Variants in ROBO2 observed in about 807,000 individuals in gnomAD.
ROBO2 encodes roundabout homolog 2.
ROBO2 carries 53 observed loss-of-function variants against 160.8 expected under a neutral mutation model. The observed-to-expected ratio is 0.33, with a 90% CI of 0.26 to 0.41. ROBO2 has a LOEUF of 0.41. Ranked by LOEUF, ROBO2 falls within the 10% of genes least tolerant of loss-of-function variation. The pLI, the probability that ROBO2 is intolerant of heterozygous loss-of-function variation, is 1.00. For missense variants in ROBO2, 1,577 were observed against 1,722.4 expected, an observed-to-expected ratio of 0.92 and a Z score of 1.49; for synonymous variants, 664 against 611.7, an observed-to-expected ratio of 1.09 and a Z score of -1.26.
Position 76,128,934 on chromosome 3 carries a change from A to G in ROBO2, c.109+191332A>G, listed in dbSNP as rs140008429. Among the ~76,000 whole-genome samples the G allele has an allele frequency of 1.3e-4, 20 of 152,208 alleles. No individual in the cohort carries two copies. In the East Asian group the frequency reaches 2.9e-3, roughly 22 times the overall value. The stretch of plus-strand genomic sequence containing the variant: ...TTTGCGTATAGAGCAGTAACTTGTG[A>G]ATAATCATTTTTTGTAGCTACTCGT... On this transcript the variant is annotated intron_variant, in intron 2 of 26. Coordinates refer to the ROBO2 transcript ENST00000487694.
intron 2 of ROBO2, among the ~76,000 whole-genome samples, chr3:77,211,710 C>A (rs1173070643): frequency 1.3e-5 from 2 of 152,086 alleles, no homozygotes; most frequent in Non-Finnish European, 1.5e-5. Context: ...GGTTTTAGGT[C>A]TAACATTTAA....
chr3:77,147,699 TA>T (rs1360042868), intron 2 of ROBO2, among the ~76,000 whole-genome samples: 1 of 152,218 alleles, frequency 6.6e-6, no homozygotes, highest in Non-Finnish European at 1.5e-5. Flanking sequence ...ATTATAATAT[TA>T]CTGCTTAATA....
intron 2 of ROBO2, among the ~76,000 whole-genome samples, chr3:77,213,495 G>T (rs1046746338): frequency 2.0e-5 from 3 of 152,000 alleles, no homozygotes; most frequent in African/African-American, 7.2e-5. Flanking sequence ...CCTGCTAGCG[G>T]TCTATCAATT....
intron 2 of ROBO2, among the ~76,000 whole-genome samples, chr3:77,323,058 T>TTATATTATATTATGGATAATATAATATAA (rs2064974130): frequency 8.5e-5 from 1 of 11,744 alleles, no homozygotes; most frequent in Non-Finnish European, 2.7e-4. Context: ...ATATAATATA[T>TTATATTATATTATGGATAATATAATATAA]TATATTATAT....
chr3:77,361,702 T>C (rs1433714546), intron 2 of ROBO2, among the ~76,000 whole-genome samples: 5 of 152,150 alleles, frequency 3.3e-5, no homozygotes, highest in Non-Finnish European at 7.3e-5. Context: ...GGAGCTCTTA[T>C]GACGTAAACA....
rs957083961 is a variant in ROBO2 at position 76,708,425 on chromosome 3, G to A, written c.110-389589G>A. On this transcript the variant is annotated intron_variant, in intron 2 of 26. Transcript: ENST00000487694. Reference sequence around the variant, plus strand: ...TAATAGCTGTTATTTCTGGGAAATGGAATGTTAGGATGAAGTGGAAGTTTA... The same window carrying A: ...TAATAGCTGTTATTTCTGGGAAATGAAATGTTAGGATGAAGTGGAAGTTTA... Among the ~76,000 whole-genome samples the A allele has an allele frequency of 3.3e-5, 5 of 152,116 alleles. No homozygotes were observed. In the East Asian group the frequency reaches 7.7e-4, roughly 23 times the overall value.
intron 2 of ROBO2, among the ~76,000 whole-genome samples, chr3:76,860,939 A>T (rs1577091471): frequency 6.6e-6 from 1 of 152,254 alleles, no homozygotes; most frequent in Non-Finnish European, 1.5e-5. Context: ...AAAGGAAAGC[A>T]TGAGCTTTCT....
intron 2 of ROBO2, among the ~76,000 whole-genome samples, chr3:76,504,195 A>C (rs1479295762): frequency 1.3e-5 from 2 of 152,232 alleles, no homozygotes; most frequent in Non-Finnish European, 2.9e-5. Flanking sequence ...GAACACTTTA[A>C]AAAATATATG....
At chr3:76,719,005 AC>A (rs2093424889) in intron 2 of ROBO2, among the ~76,000 whole-genome samples, 1 of 152,184 alleles carries the variant, frequency 6.6e-6, no homozygotes, top group South Asian at 2.1e-4. Context: ...TTATTATGTT[AC>A]CCATCATTCC....
chr3:76,022,787 T>G (rs2107669689), intron 2 of ROBO2, among the ~76,000 whole-genome samples: 1 of 151,882 alleles, frequency 6.6e-6, no homozygotes, highest in South Asian at 2.1e-4. Flanking sequence ...TGGCTTCAAC[T>G]TCAATTTACC....
intron 2 of ROBO2, among the ~76,000 whole-genome samples, chr3:76,696,265 T>C (rs1392604962): frequency 6.6e-6 from 1 of 152,174 alleles, no homozygotes; most frequent in Non-Finnish European, 1.5e-5. Context: ...TCTTCCTTAT[T>C]ATATGAATTT....
intron 2 of ROBO2, among the ~76,000 whole-genome samples, chr3:76,688,117 G>C (rs1231255025): frequency 6.6e-6 from 1 of 152,052 alleles, no homozygotes; most frequent in Non-Finnish European, 1.5e-5. Context: ...CTGAAAAGTA[G>C]TAATCATATT....
chr3:76,727,999 A>C (rs2093579712), intron 2 of ROBO2, among the ~76,000 whole-genome samples: 1 of 152,208 alleles, frequency 6.6e-6, no homozygotes, highest in South Asian at 2.1e-4. Context: ...CATGTATCAA[A>C]ATATCACATA....
chr3:77,344,605 C>G (rs1025497733), intron 2 of ROBO2, among the ~76,000 whole-genome samples: 3 of 152,128 alleles, frequency 2.0e-5, no homozygotes, highest in African/African-American at 7.2e-5. Context: ...ATTTCCCAGC[C>G]ACCAGAAGGT....
At chr3:77,645,280 C>T (rs1458629550) in intron 25 of ROBO2, among the ~76,000 whole-genome samples, 1 of 152,070 alleles carries the variant, frequency 6.6e-6, no homozygotes, top group Non-Finnish European at 1.5e-5. Flanking sequence ...CTAAGGAATG[C>T]TTCATTTTCA....
At position 76,063,520 on chromosome 3, in the gene ROBO2, T is replaced by A. The variant is rs533401975; in HGVS notation, c.109+125918T>A. On this transcript the variant is annotated intron_variant, in intron 2 of 26. Transcript: ENST00000487694. ...CACCACACATGACCAATTTTATTTT[T>A]TTTTTTGTAGAGATGAGACCTCACT... 3.5e-4 allele frequency among the ~76,000 whole-genome samples: 53 copies of A among 151,936 alleles called. No individual in the cohort carries two copies. The South Asian group carries it at 3.5e-3, about 10-fold the overall frequency.
At chr3:77,510,267 G>A (rs138886531) in intron 5 of ROBO2, among the ~76,000 whole-genome samples, 35 of 152,180 alleles carry the variant, frequency 2.3e-4, no homozygotes, top group African/African-American at 8.2e-4. Context: ...GAACATTAAA[G>A]CTATGGAACA....
intron 2 of ROBO2, among the ~76,000 whole-genome samples, chr3:77,268,399 C>G (rs1206291956): frequency 2.0e-5 from 3 of 152,078 alleles, no homozygotes; most frequent in Admixed American, 2.0e-4. Context: ...CTATAGGACC[C>G]ATTCCAGCAG....
chr3:75,924,429 G>T (rs1947196845), intron 1 of ROBO2, among the ~76,000 whole-genome samples: 1 of 152,010 alleles, frequency 6.6e-6, no homozygotes, highest in Non-Finnish European at 1.5e-5. Context: ...CTCAAACCTG[G>T]TGAATTCTCC....
Sources: gnomAD v4.1 joint callset for allele counts (sites outside exome capture counted in the v4.1 genomes callset) on GRCh38, gnomAD v4.1.1 for gene constraint, MANE v1.5 for transcripts, NCBI Gene and HGNC (gene_info 2026-07-23, HGNC 2026-07-21) for gene names.